SLC30A2: variants seen among roughly 807,000 people sequenced by gnomAD.
SLC30A2 encodes the protein proton-coupled zinc antiporter SLC30A2.
SLC30A2 carries 19 observed loss-of-function variants against 39.6 expected under a neutral mutation model. The ratio of observed to expected loss-of-function variants is 0.48; its 90% CI spans 0.34 to 0.70. SLC30A2 has a LOEUF of 0.70. Ranked by LOEUF, SLC30A2 falls within the 30% of genes least tolerant of loss-of-function variation. SLC30A2 has a pLI of 0.01. For synonymous variants in SLC30A2, 195 were observed against 194.8 expected (o/e 1.00, Z -0.01); for missense variants, 387 against 479.4 (o/e 0.81, Z 1.80).
At position 26,045,966 on chromosome 1, in the gene SLC30A2, G is replaced by C; in HGVS notation, c.-70C>G. The C allele has an allele frequency of 6.3e-7, 1 of 1,591,964 alleles. No homozygotes were observed. Among genetic ancestry groups the C allele is most frequent in the Non-Finnish European group, 8.5e-7 (1 of 1,175,370 alleles). Reference sequence around the variant, plus strand: ...AGTGCGCCCTGAAAGTTGCGCGCGGGACTCCGGGTGGCGCTCACCCACCTG... The same window carrying C: ...AGTGCGCCCTGAAAGTTGCGCGCGGCACTCCGGGTGGCGCTCACCCACCTG... On this transcript the variant is annotated 5_prime_UTR_variant, in exon 1 of 8. Coordinates refer to ENST00000374276, the MANE Select transcript of SLC30A2 (RefSeq NM_001004434.3).
Position 26,044,279 on chromosome 1 carries a change from G to C in SLC30A2, c.418+19C>G, listed in dbSNP as rs1377491290. The C allele has an allele frequency of 6.2e-7, 1 of 1,613,084 alleles. No homozygotes were observed. The highest frequency in any genetic ancestry group is 1.1e-5 in the South Asian group (1 of 90,974). Reference sequence around the variant, plus strand: ...ACCCTCTCTCTCAACCCCATCTCCAGCCAAACCGCGATCCTCACCAGCTCT... The same window carrying C: ...ACCCTCTCTCTCAACCCCATCTCCACCCAAACCGCGATCCTCACCAGCTCT... On this transcript the variant is annotated intron_variant, in intron 3 of 7. Coordinates refer to ENST00000374276, the MANE Select transcript of SLC30A2 (RefSeq NM_001004434.3).
chr1:26,043,322 C>T (rs1455876832), intron 4 of SLC30A2, 76 bp downstream of exon 4: 5 of 1,472,488 alleles, frequency 3.4e-6, no homozygotes, highest in Non-Finnish European at 3.8e-6. Flanking sequence ...CAGTCTCTTT[C>T]CGCAAAGCAG....
chr1:26,043,687 G>T, intron 3 of SLC30A2, 136 bp from the exon 4 acceptor site: 1 of 741,064 alleles, frequency 1.3e-6, no homozygotes, highest in Non-Finnish European at 2.2e-6. Context: ...TCTGCTGAAG[G>T]TATGGCCGGT....
chr1:26,040,923 C>G (rs1344891298), intron 6 of SLC30A2, among the ~76,000 whole-genome samples: 9 of 151,286 alleles, frequency 5.9e-5, no homozygotes, highest in Non-Finnish European at 1.3e-4. Context: ...GAGACCCCCC[C>G]CCCATCTCTA....
chr1:26,044,273 T>A, intron 3 of SLC30A2, 25 bp downstream of exon 3: 1 of 1,612,228 alleles, frequency 6.2e-7, no homozygotes. Context: ...CTCAACCCCA[T>A]CTCCAGCCAA....
chr1:26,043,691 G>A, intron 3 of SLC30A2, 140 bp from the exon 4 acceptor site: 1 of 745,342 alleles, frequency 1.3e-6, no homozygotes, highest in Non-Finnish European at 2.2e-6. Context: ...CTGAAGGTAT[G>A]GCCGGTATGG....
rs761280917 is a variant in SLC30A2, at chr1:26,044,398, G to A, written c.318C>T (p.His106=). 1.9e-6 allele frequency: 3 copies of A among 1,614,006 alleles called. No individual in the cohort carries two copies. Among genetic ancestry groups the A allele is most frequent in the Non-Finnish European group, 2.5e-6 (3 of 1,179,980 alleles). The change falls in exon 3 of 8, where the codon CAC becomes CAT. Residue 106 remains histidine, a synonymous_variant. Coordinates refer to ENST00000374276, the MANE Select transcript of SLC30A2 (RefSeq NM_001004434.3). ...HSLAVMTDAA[H]LLTDFASMLI... ...GCATGCTGGCAAAGTCAGTGAGCAGGTGTGCTGCGTCAGTCATGACAGCCA... is the reference window on the plus strand; with the variant it reads ...GCATGCTGGCAAAGTCAGTGAGCAGATGTGCTGCGTCAGTCATGACAGCCA...
Position 26,039,900 on chromosome 1 carries a change from C to T in SLC30A2, c.850G>A (p.Gly284Ser). The change falls in exon 7 of 8, where the codon GGC becomes AGC. Residue 284 changes from glycine to serine, a missense_variant. Gly to Ser is a moderately conservative substitution (Grantham distance 56). Coordinates refer to ENST00000374276, the MANE Select transcript of SLC30A2 (RefSeq NM_001004434.3). This position sits in a 1 kb window ranked among gnomAD's most constrained non-coding sequence, Gnocchi z 4.3. ...ILVLMEGTPK[G>S]VDFTAVRDLL... ...TCACGAACAGCTGTGAAGTCAACGC[C>T]CTTGGGGGTCCCTGAGGACGGCAAG... The T allele has an allele frequency of 6.2e-7, 1 of 1,614,068 alleles. No individual in the cohort carries two copies. Among genetic ancestry groups the T allele is most frequent in the Non-Finnish European group, 8.5e-7 (1 of 1,180,026 alleles).
intron 5 of SLC30A2, 134 bp downstream of exon 5, chr1:26,042,415 G>T: frequency 2.5e-6 from 2 of 786,554 alleles, no homozygotes; most frequent in South Asian, 3.5e-5. Flanking sequence ...TTGGATAAAT[G>T]TTCCTTTCCT....
chr1:26,039,919 C>A lies in SLC30A2; in HGVS notation c.839-8G>T, dbSNP rs199903821. The A allele has an allele frequency of 6.2e-7, 1 of 1,613,814 alleles. No homozygotes were observed. The highest frequency in any genetic ancestry group is 8.5e-7 in the Non-Finnish European group (1 of 1,179,972). ...CAACGCCCTTGGGGGTCCCTGAGGA[C>A]GGCAAGGACAGGGGAAACTAAAGGA... On this transcript the variant is annotated splice_region_variant and splice_polypyrimidine_tract_variant and intron_variant, in intron 6 of 7. Coordinates refer to ENST00000374276, the MANE Select transcript of SLC30A2 (RefSeq NM_001004434.3). The surrounding 1 kb of genome is among the most constrained non-coding windows in gnomAD (Gnocchi z 4.3).
Position 26,045,989 on chromosome 1 carries a change from C to T in SLC30A2, c.-93G>A, listed in dbSNP as rs1046149681. Reference sequence around the variant, plus strand: ...GGGACTCCGGGTGGCGCTCACCCACCTGCCCCGAGGGCCCCGCGAGGTGCG... The same window carrying T: ...GGGACTCCGGGTGGCGCTCACCCACTTGCCCCGAGGGCCCCGCGAGGTGCG... On this transcript the variant is annotated 5_prime_UTR_variant, in exon 1 of 8. Coordinates refer to ENST00000374276, the MANE Select transcript of SLC30A2 (RefSeq NM_001004434.3). The T allele has an allele frequency of 6.5e-7, 1 of 1,548,174 alleles. No homozygotes were observed. The highest frequency in any genetic ancestry group is 1.4e-5 in the African/African-American group (1 of 72,368).
chr1:26,041,682 C>A lies in SLC30A2; in HGVS notation c.838+18G>T. ...TTGAGAGCCAAGAGCAAAAAGGGAG[C>A]CACAAAGCCCAGGTTACCTTCCATC... On this transcript the variant is annotated intron_variant, in intron 6 of 7. Transcript: ENST00000374276. The A allele has an allele frequency of 6.7e-7, 1 of 1,496,304 alleles. No homozygotes were observed. Among genetic ancestry groups the A allele is most frequent in the Non-Finnish European group, 9.3e-7 (1 of 1,073,116 alleles). 92.7% of individuals were successfully genotyped at this position (1,496,304 alleles called of 1,614,324 possible).
Position 26,039,085 on chromosome 1 carries a change from G to A in SLC30A2, c.*75C>T. Reference sequence around the variant, plus strand: ...ACACAGCTGGGGTAGGCAAAGTCCTGGCTGGGCCTGGGGGACACTCAGTCC... The same window carrying A: ...ACACAGCTGGGGTAGGCAAAGTCCTAGCTGGGCCTGGGGGACACTCAGTCC... On this transcript the variant is annotated 3_prime_UTR_variant, in exon 8 of 8. Coordinates refer to ENST00000374276, the MANE Select transcript of SLC30A2 (RefSeq NM_001004434.3). This position sits in a 1 kb window ranked among gnomAD's most constrained non-coding sequence, Gnocchi z 4.3. 1 of 1,569,262 alleles carries A rather than the reference G, an allele frequency of 6.4e-7. No individual in the cohort carries two copies. The highest frequency in any genetic ancestry group is 8.7e-7 in the Non-Finnish European group (1 of 1,150,784).
In SLC30A2 at chr1:26,037,789, GT is replaced by G. The variant is rs2050356144; in HGVS notation, c.*1370del. 6.6e-6 allele frequency: 1 copy of G among 152,252 alleles called. No homozygotes were observed. Among genetic ancestry groups the G allele is most frequent in the Non-Finnish European group, 1.5e-5 (1 of 68,056 alleles). The allele number at this position is 152,252 out of a possible 1,614,324, so 9.4% of individuals were successfully genotyped here. ...TAGAACACAGGCGATCAGGATGACA[GT>G]GCTGGGAAGGCACAAAGAGGTCATT... On this transcript the variant is annotated 3_prime_UTR_variant, in exon 8 of 8. Coordinates refer to ENST00000374276, the MANE Select transcript of SLC30A2 (RefSeq NM_001004434.3).
At chr1:26,041,928 C>T in intron 5 of SLC30A2, 123 bp from the exon 6 acceptor site, 2 of 628,812 alleles carry the variant, frequency 3.2e-6, no homozygotes. Flanking sequence ...TGAGCCTCGC[C>T]CTGGCCCTGC....
intron 5 of SLC30A2, 46 bp from the exon 6 acceptor site, chr1:26,041,851 C>T: frequency 1.8e-6 from 2 of 1,132,456 alleles, no homozygotes; most frequent in African/African-American, 1.5e-5. Context: ...CATCTAACAC[C>T]TCAGCTTCCC....
chr1:26,039,763 T>A lies in SLC30A2; in HGVS notation c.973+14A>T. 1.2e-6 allele frequency: 2 copies of A among 1,611,556 alleles called. No homozygotes were observed. The highest frequency in any genetic ancestry group is 1.7e-6 in the Non-Finnish European group (2 of 1,178,350). On this transcript the variant is annotated intron_variant, in intron 7 of 7. Coordinates refer to ENST00000374276, the MANE Select transcript of SLC30A2 (RefSeq NM_001004434.3). This position sits in a 1 kb window ranked among gnomAD's most constrained non-coding sequence, Gnocchi z 4.3. ...CCTGTCTCCCACCCCACCCTGAGTG[T>A]CCCAAGCACTCACCAATGGCGATGT...
intron 3 of SLC30A2, 24 bp from the exon 4 acceptor site, chr1:26,043,575 A>C: frequency 6.2e-7 from 1 of 1,606,282 alleles, no homozygotes; most frequent in Non-Finnish European, 8.5e-7. Flanking sequence ...CAACCCCAAC[A>C]CCCACCTTGG....
At chr1:26,043,000 A>T (rs1442164229) in intron 4 of SLC30A2, among the ~76,000 whole-genome samples, 1 of 152,216 alleles carries the variant, frequency 6.6e-6, no homozygotes, top group African/African-American at 2.4e-5. Flanking sequence ...AGATGGGGAA[A>T]CTGAGGCCTC....
Sources: gnomAD v4.1 joint callset for allele counts (sites outside exome capture counted in the v4.1 genomes callset) on GRCh38, gnomAD v4.1.1 for gene constraint, Gnocchi (gnomAD v3.1) non-coding constraint, MANE v1.5 for transcripts, NCBI Gene and HGNC (gene_info 2026-07-23, HGNC 2026-07-21) for gene names.